The following PPFIA2 variants were observed in gnomAD, a reference collection of about 807,000 sequenced individuals.
PPFIA2 encodes PPFI scaffold protein A2, also known as liprin-alpha-2.
PPFIA2 carries 46 observed loss-of-function variants against 175.5 expected under a neutral mutation model. The observed-to-expected ratio is 0.26, with a 90% confidence interval of 0.21 to 0.34. The LOEUF (loss-of-function observed/expected upper bound fraction) is 0.34. PPFIA2 is among the 10% of genes least tolerant of loss of function. PPFIA2 has a pLI of 1.00. For missense variants in PPFIA2, 1,179 were observed against 1,506.1 expected (o/e 0.78, Z 3.60); for synonymous variants, 568 against 511.4 (o/e 1.11, Z -1.49).
intron 4 of PPFIA2, among the ~76,000 whole-genome samples, chr12:81,624,690 A>T (rs992167265): frequency 1.3e-5 from 2 of 149,588 alleles, no homozygotes; most frequent in African/African-American, 4.9e-5. Context: ...ACTTGGATGG[A>T]GCTGGAAGCC....
At chr12:81,612,303 T>TTCAC (rs2061007208) in intron 4 of PPFIA2, among the ~76,000 whole-genome samples, 1 of 152,134 alleles carries the variant, frequency 6.6e-6, no homozygotes, top group Admixed American at 6.5e-5. Flanking sequence ...TGCTCATTCT[T>TTCAC]TCACTCACTC....
Position 81,508,186 on chromosome 12 carries a change from G to C in PPFIA2, c.304-50320C>G, listed in dbSNP as rs1228658542. ...TTATAGTATAAATACTATATTCCTC[G>C]TGTATTATCTGCAAGGATCAAATGA... On this transcript the variant is annotated intron_variant, in intron 4 of 32. Transcript: ENST00000549396. Among the ~76,000 whole-genome samples the C allele has an allele frequency of 4.0e-5, 6 of 151,792 alleles. No homozygotes were observed. The East Asian group carries it at 1.2e-3, about 29-fold the overall frequency.
At chr12:81,328,818 C>CTTTTT (rs533036607) in intron 21 of PPFIA2, among the ~76,000 whole-genome samples, 4 of 134,666 alleles carry the variant, frequency 3.0e-5, no homozygotes, top group Admixed American at 7.7e-5. Context: ...TTCTTTCTTT[C>CTTTTT]TTTTTTTTTT....
At chr12:81,717,093 G>A (rs1443265868) in intron 3 of PPFIA2, among the ~76,000 whole-genome samples, 3 of 151,574 alleles carry the variant, frequency 2.0e-5, no homozygotes, top group Admixed American at 6.6e-5. Context: ...TTTCTGTAGT[G>A]GGCCAGATAG....
At chr12:81,708,320 A>C (rs2077475383) in intron 3 of PPFIA2, among the ~76,000 whole-genome samples, 1 of 152,164 alleles carries the variant, frequency 6.6e-6, no homozygotes, top group Admixed American at 6.6e-5. Flanking sequence ...AACCAAATTG[A>C]AAATGGCTTC....
At chr12:81,461,681 T>C (rs1233891715) in intron 4 of PPFIA2, among the ~76,000 whole-genome samples, 4 of 152,206 alleles carry the variant, frequency 2.6e-5, no homozygotes, top group South Asian at 4.1e-4. Context: ...CCTTCTTAGA[T>C]GGTCTATCTT....
intron 17 of PPFIA2, among the ~76,000 whole-genome samples, chr12:81,349,856 C>T (rs527745709): frequency 1.8e-4 from 28 of 152,124 alleles, no homozygotes; most frequent in African/African-American, 6.0e-4. Flanking sequence ...TTTGAATCAG[C>T]GAGCTGTGAA....
intron 3 of PPFIA2, among the ~76,000 whole-genome samples, chr12:81,733,843 T>C (rs1421843725): frequency 2.0e-5 from 3 of 151,792 alleles, no homozygotes; most frequent in Non-Finnish European, 4.4e-5. Flanking sequence ...TTTTTCATCA[T>C]CTTTTTTTGT....
rs73362547 is a variant in PPFIA2, at chr12:81,605,507, A to G, written c.303+71284T>C. Among the ~76,000 whole-genome samples the G allele has an allele frequency of 4.5e-3, 688 of 151,982 alleles. 5 individuals carry two copies. The highest frequency in any genetic ancestry group is 0.016 in the African/African-American group (658 of 41,510). ...ATAACAAAGCATTTTCCAAGCAAAC[A>G]TTCAGTTAAAATTCATGCCATATGG... is the stretch of plus-strand genomic sequence containing the variant. On this transcript the variant is annotated intron_variant, in intron 4 of 32. Coordinates refer to ENST00000549396, the MANE Select transcript of PPFIA2 (RefSeq NM_003625.5).
At chr12:81,660,278 C>CA (rs1401229987) in intron 4 of PPFIA2, among the ~76,000 whole-genome samples, 1 of 151,940 alleles carries the variant, frequency 6.6e-6, no homozygotes, top group Non-Finnish European at 1.5e-5. Flanking sequence ...GAACCCATGG[C>CA]AAAAAAGTTA....
intron 3 of PPFIA2, among the ~76,000 whole-genome samples, chr12:81,752,452 G>C (rs2083951418): frequency 6.6e-6 from 1 of 152,170 alleles, no homozygotes; most frequent in Admixed American, 6.5e-5. Context: ...TAGCTATCTA[G>C]CTGCCTTTTG....
At chr12:81,520,486 A>T (rs1189505094) in intron 4 of PPFIA2, among the ~76,000 whole-genome samples, 1 of 152,208 alleles carries the variant, frequency 6.6e-6, no homozygotes, top group Non-Finnish European at 1.5e-5. Context: ...TGTGGGGACT[A>T]CTGTACTTGT....
chr12:81,602,014 T>G (rs189495976), intron 4 of PPFIA2, among the ~76,000 whole-genome samples: 10 of 152,014 alleles, frequency 6.6e-5, no homozygotes, highest in Admixed American at 6.6e-4. Context: ...TTTATTTTAC[T>G]ATATTGTACT....
At chr12:81,618,935 C>T (rs774141056) in intron 4 of PPFIA2, among the ~76,000 whole-genome samples, 8 of 152,104 alleles carry the variant, frequency 5.3e-5, no homozygotes, top group Non-Finnish European at 7.4e-5. Flanking sequence ...ATAGTCTAGG[C>T]TTTATATTAA....
chr12:81,405,732 C>A (rs1285718017), intron 8 of PPFIA2, 55 bp downstream of exon 8: 2 of 1,009,252 alleles, frequency 2.0e-6, no homozygotes, highest in South Asian at 1.7e-5. Context: ...TATTTCCTGT[C>A]AAATGATATA....
intron 5 of PPFIA2, among the ~76,000 whole-genome samples, chr12:81,446,018 T>C (rs2051178896): frequency 6.6e-6 from 1 of 152,212 alleles, no homozygotes; most frequent in African/African-American, 2.4e-5. Flanking sequence ...AATAGAACAC[T>C]TGGAAAAATA....
At chr12:81,294,416 GGGAAGGAA>G in intron 24 of PPFIA2, among the ~76,000 whole-genome samples, 1 of 124,194 alleles carries the variant, frequency 8.1e-6, no homozygotes, top group East Asian at 2.6e-4. Flanking sequence ...GAAGGAAGAA[GGGAAGGAA>G]GGAAGGAAGG....
chr12:81,729,467 A>T (rs1054500567), intron 3 of PPFIA2, among the ~76,000 whole-genome samples: 5 of 151,554 alleles, frequency 3.3e-5, no homozygotes, highest in African/African-American at 1.2e-4. Flanking sequence ...TGACTTTGAT[A>T]TTGTGAATAG....
intron 18 of PPFIA2, among the ~76,000 whole-genome samples, chr12:81,346,480 T>A (rs565762016): frequency 7.1e-4 from 105 of 148,906 alleles, no homozygotes; most frequent in Middle Eastern, 3.6e-3. Context: ...ATATATATAA[T>A]GAAATATATT....
Sources: gnomAD v4.1 joint callset for allele counts (sites outside exome capture counted in the v4.1 genomes callset) on GRCh38, gnomAD v4.1.1 for gene constraint, MANE v1.5 for transcripts, NCBI Gene and HGNC (gene_info 2026-07-23, HGNC 2026-07-21) for gene names.